The following ABCC3 variants were observed in gnomAD, a reference collection of about 807,000 sequenced individuals.
ABCC3 encodes the protein ATP-binding cassette sub-family C member 3.
Under a neutral mutation model 165.3 loss-of-function variants are expected in ABCC3, and 121 were observed. The ratio of observed to expected loss-of-function variants is 0.73; its 90% confidence interval spans 0.63 to 0.85. The LOEUF is 0.85. Among genes scored for constraint, ABCC3 ranks in the 40% least tolerant of loss-of-function variants. ABCC3 has a pLI of 0.00. For missense variants in ABCC3, 1,869 were observed against 1,964.1 expected, an observed-to-expected ratio of 0.95 and a Z score of 0.92; for synonymous variants, 733 against 810.1, an observed-to-expected ratio of 0.90 and a Z score of 1.62.
At chr17:50,666,429 C>T (rs996025083) in intron 11 of ABCC3, among the ~76,000 whole-genome samples, 6 of 152,148 alleles carry the variant, frequency 3.9e-5, no homozygotes, top group African/African-American at 1.4e-4. Context: ...CAAGATCGCG[C>T]CATTGCACTC....
chr17:50,669,286 C>T lies in ABCC3; in HGVS notation c.2064+20C>T, dbSNP rs1567833609. 1.2e-6 allele frequency: 2 copies of T among 1,614,036 alleles called. No homozygotes were observed. Among genetic ancestry groups the T allele is most frequent in the Non-Finnish European group, 8.5e-7 (1 of 1,179,988 alleles). ...ATGAAGGTGAGAGAGGCAGGGGCTC[C>T]TGGGCAGGGTGTGGGGCTCAGCCAG... is the stretch of plus-strand genomic sequence containing the variant. On this transcript the variant is annotated intron_variant, in intron 16 of 30. Transcript: ENST00000285238.
chr17:50,677,939 A>C lies in ABCC3; in HGVS notation c.3574A>C (p.Asn1192His). ...QRSCYPYIIS[N>H]RWLSIGVEFV... The stretch of plus-strand genomic sequence containing the variant: ...AAGCTGCTACCCCTACATCATCTCC[A>C]ACCGGTCAGAAGCCGCCTCCCTCGC... The change falls in exon 24 of 31, where the codon AAC (asparagine) becomes CAC (histidine). Residue 1192 changes from asparagine (N) to histidine (H), a missense_variant. By Grantham distance (68) the Asn-to-His change is moderately conservative. Transcript: ENST00000285238. 3 of 1,614,016 alleles carry C rather than the reference A, an allele frequency of 1.9e-6. No homozygotes were observed. The highest frequency in any genetic ancestry group is 2.5e-6 in the Non-Finnish European group (3 of 1,179,992).
chr17:50,672,953 C>T lies in ABCC3; in HGVS notation c.2242-18C>T. ...TGCCTGTCTGACCCCATTTTTCCCACCCCCCGCCTCCCTCCAGGGCATTAA... is the reference window on the plus strand; with the variant it reads ...TGCCTGTCTGACCCCATTTTTCCCATCCCCCGCCTCCCTCCAGGGCATTAA... On this transcript the variant is annotated intron_variant, in intron 17 of 30. Coordinates refer to ENST00000285238, the MANE Select transcript of ABCC3 (RefSeq NM_003786.4). 1 of 1,607,542 alleles carries T rather than the reference C, an allele frequency of 6.2e-7. No individual in the cohort carries two copies.
In ABCC3 at chr17:50,664,115, A is replaced by T; in HGVS notation, c.1338+4A>T. On this transcript the variant is annotated splice_donor_region_variant and intron_variant, in intron 10 of 30. Transcript: ENST00000285238. Reference sequence around the variant, plus strand: ...GGCGATCTACTTCCTCTGGCAGGTGACTCTCCAACCCTGACCTCTGCCTCC... The same window carrying T: ...GGCGATCTACTTCCTCTGGCAGGTGTCTCTCCAACCCTGACCTCTGCCTCC... 1 of 1,613,850 alleles carries T rather than the reference A, an allele frequency of 6.2e-7. No homozygotes were observed. Among genetic ancestry groups the T allele is most frequent in the Non-Finnish European group, 8.5e-7 (1 of 1,179,928 alleles).
At position 50,691,129 on chromosome 17, in the gene ABCC3, G is replaced by T; in HGVS notation, c.4513G>T (p.Asp1505Tyr). The change falls in exon 31 of 31, where the codon GAT becomes TAT. Residue 1505 changes from aspartate to tyrosine, a missense_variant. Physicochemically the swap from Asp to Tyr is radical, Grantham distance 160 (BLOSUM62 -3). Transcript: ENST00000285238. ...VLDKGVVAEFDSPANLIAARG... is the reference protein window; with the variant it reads ...VLDKGVVAEFYSPANLIAARG... ...GGACAAAGGAGTAGTAGCTGAATTT[G>T]ATTCTCCAGCCAACCTCATTGCAGC... The T allele has an allele frequency of 6.2e-7, 1 of 1,614,130 alleles. No individual in the cohort carries two copies. The highest frequency in any genetic ancestry group is 8.5e-7 in the Non-Finnish European group (1 of 1,179,996).
Position 50,669,532 on chromosome 17 carries a change from C to G in ABCC3, c.2241+4C>G, listed in dbSNP as rs375240376. ...TCAGACAGAGATTGGAGAGAAGGTA[C>G]AGAGTCCTCTTCCATCCCTAAGAGG... On this transcript the variant is annotated splice_donor_region_variant and intron_variant, in intron 17 of 30. Transcript: ENST00000285238. 14 of 1,613,722 alleles carry G rather than the reference C, an allele frequency of 8.7e-6. No homozygotes were observed. The African/African-American group carries it at 1.3e-4, about 15-fold the overall frequency.
Position 50,687,704 on chromosome 17 carries a change from G to C in ABCC3, c.4449G>C (p.Arg1483=), listed in dbSNP as rs752302962. Residue 1483 remains arginine (R), a synonymous_variant, in exon 30 of 31, where the codon CGG becomes CGC. Transcript: ENST00000285238. ...GCACTGTCCTGACCATCGCACACCG[G>C]CTTAACACTATCATGGACTACACCA... The part of the protein sequence containing the change: ...DTCTVLTIAH[R]LNTIMDYTRV... 1.9e-6 allele frequency: 3 copies of C among 1,614,184 alleles called. No individual in the cohort carries two copies. The South Asian group carries it at 3.3e-5, about 18-fold the overall frequency.
In ABCC3 at chr17:50,674,024, C is replaced by T. The variant is rs868124788; in HGVS notation, c.2599+366C>T. Among the ~76,000 whole-genome samples the T allele has an allele frequency of 5.1e-4, 15 of 29,638 alleles. 3 individuals carry two copies. Among genetic ancestry groups the T allele is most frequent in the Admixed American group, 7.8e-4 (2 of 2,550 alleles). 19.4% of individuals were successfully genotyped at this position (29,638 alleles called of 152,430 possible). The stretch of plus-strand genomic sequence containing the variant: ...TCTCTCTCTCTCTCTCTCTCTCTCT[C>T]TCTCTCTCTCTCTTTCTTTCTTTCT... On this transcript the variant is annotated intron_variant, in intron 19 of 30. Coordinates refer to ENST00000285238, the MANE Select transcript of ABCC3 (RefSeq NM_003786.4).
intron 26 of ABCC3, among the ~76,000 whole-genome samples, chr17:50,681,240 G>C (rs1303117570): frequency 1.3e-5 from 2 of 152,076 alleles, no homozygotes; most frequent in Admixed American, 6.6e-5. Context: ...TCTCCCTCCT[G>C]CTCAGCCATC....
rs184212866 is a variant in ABCC3, at chr17:50,638,429, T to C, written c.45+3448T>C. ...TGAGAAGTAGTGAGCTCCCTGTCAC[T>C]GGGGGGTATGTAAGGACATGGTTAG... is the stretch of plus-strand genomic sequence containing the variant. On this transcript the variant is annotated intron_variant, in intron 1 of 30. Coordinates refer to ENST00000285238, the MANE Select transcript of ABCC3 (RefSeq NM_003786.4). Among the ~76,000 whole-genome samples the C allele has an allele frequency of 1.5e-4, 23 of 152,220 alleles. No individual in the cohort carries two copies. In the East Asian group the frequency reaches 2.7e-3, roughly 18 times the overall value.
chr17:50,673,986 C>G lies in ABCC3; in HGVS notation c.2599+328C>G, dbSNP rs377191519. ...TTTCTTTCTTTCTTTCTTTCTCTCT[C>G]TCTCTCTCTCTCTCTCTCTCTCTCT... On this transcript the variant is annotated intron_variant, in intron 19 of 30. Coordinates refer to ENST00000285238, the MANE Select transcript of ABCC3 (RefSeq NM_003786.4). Among the ~76,000 whole-genome samples, 8 of 11,294 alleles carry G rather than the reference C, an allele frequency of 7.1e-4. 2 individuals are homozygous for G. The highest frequency in any genetic ancestry group is 3.4e-3 in the African/African-American group (8 of 2,346). The allele number at this position is 11,294 out of a possible 152,430, so 7.4% of individuals were successfully genotyped here.
intron 11 of ABCC3, among the ~76,000 whole-genome samples, chr17:50,665,860 T>C (rs986907248): frequency 6.6e-6 from 1 of 151,660 alleles, no homozygotes; most frequent in African/African-American, 2.4e-5. Flanking sequence ...GATCCGTTCA[T>C]CTTAGCCTCC....
chr17:50,635,160 G>A (rs76971077), intron 1 of ABCC3, 179 bp downstream of exon 1: 25,714 of 646,322 alleles, frequency 0.04, 1,313 homozygotes, highest in African/African-American at 0.18. Flanking sequence ...GCCGCCCGGA[G>A]CCGGGTCCCA....
chr17:50,672,032 C>G (rs1187414450), intron 17 of ABCC3, among the ~76,000 whole-genome samples: 1 of 151,852 alleles, frequency 6.6e-6, no homozygotes, highest in Non-Finnish European at 1.5e-5. Flanking sequence ...TCAGGTTTCT[C>G]TTTCTTTCTT....
At chr17:50,682,310 T>G (rs1421071323) in intron 26 of ABCC3, among the ~76,000 whole-genome samples, 1 of 144,152 alleles carries the variant, frequency 6.9e-6, no homozygotes, top group African/African-American at 2.6e-5. Flanking sequence ...TCTTATGCCC[T>G]GCCAGTCTAT....
intron 19 of ABCC3, among the ~76,000 whole-genome samples, chr17:50,673,948 CTTTCTTTCTT>C (rs1567835482): frequency 5.8e-5 from 1 of 17,120 alleles, no homozygotes; most frequent in Non-Finnish European, 1.1e-4. Context: ...TTCTTTCTTT[CTTTCTTTCTT>C]TCTTTCTTTC....
chr17:50,659,485 A>AG, intron 7 of ABCC3, 117 bp downstream of exon 7: 1 of 1,285,448 alleles, frequency 7.8e-7, no homozygotes, highest in Non-Finnish European at 1.1e-6. Context: ...GAGCAGGACC[A>AG]GGTGATTTCT....
rs774432938 is a variant in ABCC3, at chr17:50,668,863, C to T, written c.1881C>T (p.Ile627=). 5.6e-6 allele frequency: 9 copies of T among 1,614,008 alleles called. No homozygotes were observed. The South Asian group carries it at 8.8e-5, about 16-fold the overall frequency. Residue 627 remains isoleucine, a synonymous_variant, in exon 15 of 31, where the codon ATC becomes ATT. Coordinates refer to ENST00000285238, the MANE Select transcript of ABCC3 (RefSeq NM_003786.4). ...CCTTGGTCCTCTCAGGCTATGCCATCACCATACACAGTGGCACCTTCACCT... is the reference window on the plus strand; with the variant it reads ...CCTTGGTCCTCTCAGGCTATGCCATTACCATACACAGTGGCACCTTCACCT... ...ERKTISPGYA[I]TIHSGTFTWA... is the part of the protein sequence containing the mutation.
At chr17:50,655,784 A>C in intron 1 of ABCC3, 48 bp from the exon 2 acceptor site, 1 of 1,585,390 alleles carries the variant, frequency 6.3e-7, no homozygotes, top group Non-Finnish European at 8.6e-7. Context: ...AGGCAGCCCA[A>C]TTCTCTGTGG....
Sources: allele counts gnomAD v4.1 joint callset (sites outside exome capture counted in the v4.1 genomes callset), GRCh38; gene constraint gnomAD v4.1.1; transcripts MANE v1.5; gene names NCBI Gene and HGNC (gene_info 2026-07-23, HGNC 2026-07-21).